Variants in TBC1D32 observed in about 807,000 individuals in gnomAD.
TBC1D32 encodes TBC1 domain family member 32, also known as protein broad-minded.
TBC1D32 carries 151 observed loss-of-function variants against 170.3 expected under a neutral mutation model. The observed-to-expected ratio is 0.89, with a 90% CI of 0.78 to 1.01. TBC1D32 has a LOEUF of 1.01. Among genes scored for constraint, TBC1D32 ranks in the 50% least tolerant of loss-of-function variants. TBC1D32 has a pLI of 0.00. For missense variants in TBC1D32, 1,464 were observed against 1,457.1 expected (o/e 1.00, Z -0.08); for synonymous variants, 498 against 488.0 (o/e 1.02, Z -0.27).
At chr6:121,089,707 A>C (rs1017172626) in intron 31 of TBC1D32, among the ~76,000 whole-genome samples, 2 of 152,190 alleles carry the variant, frequency 1.3e-5, no homozygotes, top group Non-Finnish European at 2.9e-5. Flanking sequence ...ATAATTTGGC[A>C]ATCTTAAATG....
At chr6:121,154,146 T>C (rs1341301615) in intron 24 of TBC1D32, among the ~76,000 whole-genome samples, 1 of 151,894 alleles carries the variant, frequency 6.6e-6, no homozygotes, top group Non-Finnish European at 1.5e-5. Context: ...AATCTCCTAG[T>C]CTCTGGGTTG....
At chr6:121,272,457 T>A (rs1376009210) in intron 15 of TBC1D32, among the ~76,000 whole-genome samples, 1 of 151,836 alleles carries the variant, frequency 6.6e-6, no homozygotes, top group Non-Finnish European at 1.5e-5. Flanking sequence ...AGGATATGAA[T>A]AGACACTTAT....
At chr6:121,144,490 G>A (rs1274170809) in intron 24 of TBC1D32, among the ~76,000 whole-genome samples, 2 of 152,086 alleles carry the variant, frequency 1.3e-5, no homozygotes, top group Non-Finnish European at 2.9e-5. Flanking sequence ...TAAAGACAGA[G>A]ACGAGTGCAT....
chr6:121,291,970 TG>T lies in TBC1D32; in HGVS notation c.1372+82del, dbSNP rs1804930977. The stretch of plus-strand genomic sequence containing the variant: ...TAGCTAAGTACCGTAGAAAGGAACA[TG>T]CCAAATTTCCAAGTTTGAATACTCC... On this transcript the variant is annotated intron_variant, in intron 12 of 31. Coordinates refer to ENST00000398212, the MANE Select transcript of TBC1D32 (RefSeq NM_152730.6). The T allele has an allele frequency of 2.2e-6, 3 of 1,367,350 alleles. No individual in the cohort carries two copies. The Admixed American group carries it at 9.1e-5, about 42-fold the overall frequency. The allele number at this position is 1,367,350 out of a possible 1,614,324, so 84.7% of individuals were successfully genotyped here. A position where few individuals can be genotyped will look rare whatever the true frequency, so the allele number is the denominator to read the frequency against.
At chr6:121,154,037 T>TGC (rs1339578862) in intron 24 of TBC1D32, among the ~76,000 whole-genome samples, 1,131 of 22,308 alleles carry the variant, frequency 0.051, 14 homozygotes, top group Middle Eastern at 0.15. Context: ...GACACTAGGG[T>TGC]ACAAAAAAAA....
chr6:121,294,603 CT>C lies in TBC1D32; in HGVS notation c.1197del (p.Ala400LeufsTer21), dbSNP rs777404143. 6.2e-7 allele frequency: 1 copy of C among 1,612,504 alleles called. No individual in the cohort carries two copies. Among genetic ancestry groups the C allele is most frequent in the South Asian group, 1.1e-5 (1 of 90,730 alleles). On this transcript the variant is annotated frameshift_variant, in exon 11 of 32. Transcript: ENST00000398212. LOFTEE classifies it high-confidence loss of function. Reference protein sequence around the residue: ...VQYFEMCKTRKADETLGHSKH... With the variant: ...VQYFEMCKTRXADETLGHSKH... ...TTTGAATGTCCCAAAGTTTCATCAG[CT>C]TTCCTAGTCTTACACATTTCAAAGT...
chr6:121,091,126 C>CA, intron 30 of TBC1D32, 85 bp from the exon 31 acceptor site: 3 of 1,111,882 alleles, frequency 2.7e-6, no homozygotes, highest in Non-Finnish European at 2.6e-6. Context: ...ATAACTCATA[C>CA]AAAACCAGTG....
intron 22 of TBC1D32, among the ~76,000 whole-genome samples, chr6:121,204,690 C>T (rs1426849707): frequency 2.0e-5 from 3 of 151,224 alleles, no homozygotes; most frequent in Non-Finnish European, 4.4e-5. Flanking sequence ...CACCAAAGAG[C>T]AAAACTTGGG....
chr6:121,133,154 A>C (rs1781625593), intron 24 of TBC1D32, among the ~76,000 whole-genome samples: 1 of 152,008 alleles, frequency 6.6e-6, no homozygotes, highest in South Asian at 2.1e-4. Context: ...TTTTAGGTTA[A>C]TTAACCCCAC....
intron 31 of TBC1D32, among the ~76,000 whole-genome samples, chr6:121,084,519 GC>G (rs1775988331): frequency 6.6e-6 from 1 of 151,980 alleles, no homozygotes; most frequent in South Asian, 2.1e-4. Flanking sequence ...TCCAGTCTCT[GC>G]TCCTCAACCC....
intron 15 of TBC1D32, among the ~76,000 whole-genome samples, chr6:121,274,054 G>T (rs1801879440): frequency 6.6e-6 from 1 of 152,094 alleles, no homozygotes; most frequent in South Asian, 2.1e-4. Flanking sequence ...AAACAAAAAA[G>T]CCGGGCATGG....
chr6:121,290,057 C>A (rs1424086889), intron 12 of TBC1D32, among the ~76,000 whole-genome samples: 2 of 152,094 alleles, frequency 1.3e-5, no homozygotes, highest in Non-Finnish European at 2.9e-5. Flanking sequence ...TAGAAGAAAA[C>A]CTAGGCAATA....
At chr6:121,316,003 T>C (rs776420872) in intron 3 of TBC1D32, among the ~76,000 whole-genome samples, 2 of 152,158 alleles carry the variant, frequency 1.3e-5, no homozygotes, top group Admixed American at 6.6e-5. Context: ...TGAAAATTTA[T>C]ATATACCCTG....
At chr6:121,300,716 G>T (rs1367120672) in intron 9 of TBC1D32, among the ~76,000 whole-genome samples, 1 of 152,114 alleles carries the variant, frequency 6.6e-6, no homozygotes, top group Non-Finnish European at 1.5e-5. Context: ...AAGAGCTTCT[G>T]CACAGCAAAA....
intron 26 of TBC1D32, among the ~76,000 whole-genome samples, chr6:121,126,026 G>A (rs1297692684): frequency 1.3e-5 from 2 of 152,128 alleles, no homozygotes; most frequent in East Asian, 1.9e-4. Flanking sequence ...TTGAGTGAAC[G>A]ATGTAAATTT....
At chr6:121,146,239 G>A (rs1207914158) in intron 24 of TBC1D32, among the ~76,000 whole-genome samples, 1 of 152,214 alleles carries the variant, frequency 6.6e-6, no homozygotes, top group Admixed American at 6.5e-5. Flanking sequence ...AATCTACAGT[G>A]TTGGCCAGTA....
At chr6:121,136,700 A>G (rs572625492) in intron 24 of TBC1D32, among the ~76,000 whole-genome samples, 1 of 152,292 alleles carries the variant, frequency 6.6e-6, no homozygotes, top group East Asian at 1.9e-4. Flanking sequence ...TCATGAGAAA[A>G]TGTTCTATAT....
chr6:121,106,039 C>T lies in TBC1D32; in HGVS notation c.3449G>A (p.Gly1150Asp). 1 of 1,606,528 alleles carries T rather than the reference C, an allele frequency of 6.2e-7. No homozygotes were observed. Among genetic ancestry groups the T allele is most frequent in the South Asian group, 1.1e-5 (1 of 90,030 alleles). Residue 1150 changes from glycine to aspartate, a missense_variant, in exon 30 of 32, where the codon GGT (glycine) becomes GAT (aspartate). By Grantham distance (94) the Gly-to-Asp change is moderately conservative. Coordinates refer to ENST00000398212, the MANE Select transcript of TBC1D32 (RefSeq NM_152730.6). ...ATGGATTACCTGTGATGGTGCAAAACCAGACATGTGAAAAGCTGAAAACAC... is the reference window on the plus strand; with the variant it reads ...ATGGATTACCTGTGATGGTGCAAAATCAGACATGTGAAAAGCTGAAAACAC... ...PLVFSAFHMS[G>D]FAPSQICLQW...
At chr6:121,177,194 G>A (rs922855251) in intron 22 of TBC1D32, among the ~76,000 whole-genome samples, 1 of 152,124 alleles carries the variant, frequency 6.6e-6, no homozygotes, top group Admixed American at 6.6e-5. Context: ...TGGAGGTGGG[G>A]CTTGGTGGGA....
Sources: allele counts gnomAD v4.1 joint callset (sites outside exome capture counted in the v4.1 genomes callset), GRCh38; gene constraint gnomAD v4.1.1; transcripts MANE v1.5; gene names NCBI Gene and HGNC (gene_info 2026-07-23, HGNC 2026-07-21).